Variants in POLG observed in about 807,000 individuals in gnomAD.
The protein encoded by POLG is DNA polymerase gamma, catalytic subunit.
POLG carries 110 observed loss-of-function variants against 155.4 expected under a neutral mutation model. The observed-to-expected ratio is 0.71, with a 90% CI of 0.61 to 0.83. The LOEUF (loss-of-function observed/expected upper bound fraction) is 0.83, where lower values mean the gene tolerates loss of function less well. Ranked by LOEUF, POLG falls within the 40% of genes least tolerant of loss-of-function variation. POLG has a pLI of 0.00. For synonymous variants in POLG, 701 were observed against 631.5 expected, an observed-to-expected ratio of 1.11 and a Z score of -1.65; for missense variants, 1,685 against 1,627.5, an observed-to-expected ratio of 1.04 and a Z score of -0.61.
intron 22 of POLG, 136 bp downstream of exon 22, chr15:89,317,240 A>G: frequency 1.3e-6 from 1 of 763,518 alleles, no homozygotes; most frequent in Non-Finnish European, 2.3e-6. Flanking sequence ...GGCACCTTAT[A>G]AACTGAAATT....
Position 89,322,835 on chromosome 15 carries a change from G to A in POLG, c.2333C>T (p.Thr778Ile). The change falls in exon 14 of 23, where the codon ACC becomes ATC. Residue 778 changes from threonine (T) to isoleucine (I), a missense_variant. Thr to Ile is a moderately conservative substitution (Grantham distance 89). Around this residue, in one of 3 missense-constraint regions of POLG, gnomAD observed 1,210 missense variants for 1,167.1 expected, o/e 1.04. Transcript: ENST00000268124. The stretch of plus-strand genomic sequence containing the variant: ...GGCACCTCCTGGGCCAGCCTGCAGG[G>A]TGCCATCCTCCATCTTGGGCAGGAA... ...KDFLPKMEDG[T>I]LQAGPGGASG... is the part of the protein sequence containing the mutation. The A allele has an allele frequency of 6.2e-7, 1 of 1,614,046 alleles. No individual in the cohort carries two copies. Among genetic ancestry groups the A allele is most frequent in the South Asian group, 1.1e-5 (1 of 91,086 alleles).
In POLG at chr15:89,322,858, G is replaced by C. The variant is rs755315398; in HGVS notation, c.2310C>G (p.Phe770Leu). 6.2e-7 allele frequency: 1 copy of C among 1,613,854 alleles called. No homozygotes were observed. The highest frequency in any genetic ancestry group is 1.1e-5 in the South Asian group (1 of 91,064). The part of the protein sequence containing the change: ...CNVGSPFAKD[F>L]LPKMEDGTLQ... The stretch of plus-strand genomic sequence containing the variant: ...GGGTGCCATCCTCCATCTTGGGCAG[G>C]AAGTCCTTGGCAAAGGGGCTTCCCA... The change falls in exon 14 of 23, where the codon TTC becomes TTG. Residue 770 changes from phenylalanine to leucine, a missense_variant. Phe to Leu is a conservative substitution (Grantham distance 22). Coordinates refer to ENST00000268124, the MANE Select transcript of POLG (RefSeq NM_002693.3).
intron 2 of POLG, among the ~76,000 whole-genome samples, chr15:89,330,974 G>A (rs1219017016): frequency 1.3e-5 from 2 of 152,148 alleles, no homozygotes; most frequent in Admixed American, 1.3e-4. Flanking sequence ...AAAGGCTGCA[G>A]TTTGCTCAAG....
chr15:89,329,252 C>A, intron 3 of POLG, 142 bp from the exon 4 acceptor site: 1 of 704,212 alleles, frequency 1.4e-6, no homozygotes, highest in Non-Finnish European at 2.5e-6. Flanking sequence ...GCCTTCAACA[C>A]CAAATACAGA....
At chr15:89,323,745 C>T (rs1596354530) in intron 12 of POLG, 70 bp downstream of exon 12, 1 of 1,268,306 alleles carries the variant, frequency 7.9e-7, no homozygotes, top group South Asian at 1.2e-5. Context: ...CTGGGAAGAA[C>T]TAGGTGGGCA....
chr15:89,323,747 AG>A, intron 12 of POLG, 67 bp downstream of exon 12: 2 of 1,267,150 alleles, frequency 1.6e-6, no homozygotes, highest in South Asian at 2.4e-5. Context: ...GGGAAGAACT[AG>A]GTGGGCAAGA....
At position 89,333,128 on chromosome 15, in the gene POLG, G is replaced by A; in HGVS notation, c.627C>T (p.Pro209=). 1 of 1,525,166 alleles carries A rather than the reference G, an allele frequency of 6.6e-7. No individual in the cohort carries two copies. The highest frequency in any genetic ancestry group is 8.8e-7 in the Non-Finnish European group (1 of 1,136,430). The allele number at this position is 1,525,166 out of a possible 1,614,324, so 94.5% of individuals were successfully genotyped here. A position where few individuals can be genotyped will look rare whatever the true frequency, so the allele number is the denominator to read the frequency against. ...VEVCLAEGTC[P]TLAVAISPSA... ...AGGGGGATATGGCCACCGCCAATGT[G>A]GGGCAAGTTCCCTCTGCCAAGCAGA... The change falls in exon 2 of 23, where the codon CCC becomes CCT. Residue 209 remains proline, a synonymous_variant. Transcript: ENST00000268124.
Position 89,330,192 on chromosome 15 carries a change from C to T in POLG, c.744G>A (p.Glu248=). ...QLSPADLIPL[E]VPTGASSPTQ... ...TGGGGCTGCTGGCACCAGTAGGGACCTCCAGGGGGATGAGGTCAGCCGGCG... is the reference window on the plus strand; with the variant it reads ...TGGGGCTGCTGGCACCAGTAGGGACTTCCAGGGGGATGAGGTCAGCCGGCG... The change falls in exon 3 of 23, where the codon GAG becomes GAA. Residue 248 remains glutamate (E), a synonymous_variant. Coordinates refer to ENST00000268124, the MANE Select transcript of POLG (RefSeq NM_002693.3). The T allele has an allele frequency of 6.2e-7, 1 of 1,613,804 alleles. No individual in the cohort carries two copies. Among genetic ancestry groups the T allele is most frequent in the Non-Finnish European group, 8.5e-7 (1 of 1,179,962 alleles).
Position 89,326,661 on chromosome 15 carries a change from T to A in POLG, c.1663A>T (p.Thr555Ser), listed in dbSNP as rs145496284. ...GGCCGCTTGGGCAGGAGCTCTGTGG[T>A]CCCCTTCAGCTTCTGCAAGCAGGCG... ...ARACLQKLKG[T>S]TELLPKRPQH... Residue 555 changes from threonine (T) to serine (S), a missense_variant, in exon 9 of 23, where the codon ACC becomes TCC. By Grantham distance (58) the Thr-to-Ser change is moderately conservative. Transcript: ENST00000268124. The A allele has an allele frequency of 1.9e-6, 3 of 1,613,848 alleles. No individual in the cohort carries two copies. The African/African-American group carries it at 4.0e-5, about 22-fold the overall frequency.
Position 89,316,725 on chromosome 15 carries a change from A to C in POLG, c.*26T>G. 6.3e-7 allele frequency: 1 copy of C among 1,584,742 alleles called. No homozygotes were observed. Among genetic ancestry groups the C allele is most frequent in the Non-Finnish European group, 8.7e-7 (1 of 1,153,182 alleles). ...CACCACCCCGATGAAGCTCCACGGG[A>C]GCAAATACAGAGCCTCCAGGCAGTG... On this transcript the variant is annotated 3_prime_UTR_variant, in exon 23 of 23. Transcript: ENST00000268124.
chr15:89,331,058 T>C (rs1046742119), intron 2 of POLG, among the ~76,000 whole-genome samples: 2 of 151,960 alleles, frequency 1.3e-5, no homozygotes, highest in African/African-American at 4.8e-5. Context: ...TTCTAAACAA[T>C]CAAGGCCCAC....
In POLG at chr15:89,328,994, G is replaced by T; in HGVS notation, c.972C>A (p.Pro324=). The T allele has an allele frequency of 3.1e-6, 5 of 1,613,718 alleles. No individual in the cohort carries two copies. The highest frequency in any genetic ancestry group is 4.2e-6 in the Non-Finnish European group (5 of 1,180,042). Residue 324 remains proline, a synonymous_variant, in exon 4 of 23, where the codon CCC becomes CCA. Coordinates refer to ENST00000268124, the MANE Select transcript of POLG (RefSeq NM_002693.3). ...AAKQGKHKVQ[P]PTKQGQKSQR... ...GGGACTTCTGGCCTTGCTTTGTGGGGGGCTGGACCTTGTGTTTGCCCTGCT... is the reference window on the plus strand; with the variant it reads ...GGGACTTCTGGCCTTGCTTTGTGGGTGGCTGGACCTTGTGTTTGCCCTGCT...
Position 89,325,183 on chromosome 15 carries a change from TGAGTGAGTGAGA to T in POLG, c.1949+255_1949+266del, listed in dbSNP as rs1258706674. ...GTGAGTGAGTGAGAGAGTGAGAGAGTGAGTGAGTGAGAGAGTGAGTGAGAGAGTGAGTGAGTG... is the reference window on the plus strand; with the variant it reads ...GTGAGTGAGTGAGAGAGTGAGAGAGTGAGTGAGTGAGAGAGTGAGTGAGTG... On this transcript the variant is annotated intron_variant, in intron 10 of 22. Coordinates refer to ENST00000268124, the MANE Select transcript of POLG (RefSeq NM_002693.3). 1.7e-3 allele frequency among the ~76,000 whole-genome samples: 76 copies of T among 45,772 alleles called. 9 individuals are homozygous for T. The highest frequency in any genetic ancestry group is 2.9e-3 in the South Asian group (4 of 1,364). The allele number at this position is 45,772 out of a possible 152,430, so 30.0% of individuals were successfully genotyped here. A position where few individuals can be genotyped will look rare whatever the true frequency, so the allele number is the denominator to read the frequency against.
intron 2 of POLG, among the ~76,000 whole-genome samples, chr15:89,332,774 T>C (rs1458287946): frequency 1.3e-5 from 2 of 152,164 alleles, no homozygotes; most frequent in East Asian, 3.9e-4. Flanking sequence ...TAACTTCTCA[T>C]GACGCTATTA....
intron 10 of POLG, among the ~76,000 whole-genome samples, chr15:89,324,530 A>T (rs1173493703): frequency 6.6e-6 from 1 of 152,220 alleles, no homozygotes; most frequent in Non-Finnish European, 1.5e-5. Context: ...ACAGGACCCA[A>T]GGCCCAGCTG....
Position 89,328,781 on chromosome 15 carries a change from CT to C in POLG, c.1073del (p.Glu358GlyfsTer7), listed in dbSNP as rs763418954. 12 of 1,614,042 alleles carry C rather than the reference CT, an allele frequency of 7.4e-6. No homozygotes were observed. Among genetic ancestry groups the C allele is most frequent in the Non-Finnish European group, 1.0e-5 (12 of 1,179,952 alleles). Reference sequence around the variant, plus strand: ...GCCCCCCTACATAAAGTCTGTGCACCTCTGCCAGACTGTTGACACTGCTGAT... The same window carrying C: ...GCCCCCCTACATAAAGTCTGTGCACCCTGCCAGACTGTTGACACTGCTGAT... ...LDISSVNSLAEVHRLYVGGPP... is the reference protein window; with the variant it reads ...LDISSVNSLAXVHRLYVGGPP... On this transcript the variant is annotated frameshift_variant, in exon 5 of 23. Coordinates refer to ENST00000268124, the MANE Select transcript of POLG (RefSeq NM_002693.3). LOFTEE classifies it high-confidence loss of function.
intron 12 of POLG, 72 bp from the exon 13 acceptor site, chr15:89,323,583 G>T (rs1596354416): frequency 9.8e-7 from 1 of 1,018,672 alleles, no homozygotes; most frequent in East Asian, 2.4e-5. Context: ...GGGGTAGGGG[G>T]TGGGAAAAGG....
At chr15:89,323,000 G>A (rs2055418403) in intron 13 of POLG, 98 bp from the exon 14 acceptor site, 3 of 1,240,472 alleles carry the variant, frequency 2.4e-6, no homozygotes, top group African/African-American at 3.0e-5. Flanking sequence ...ACTGAGCCCA[G>A]AACCTCAGCA....
Position 89,325,109 on chromosome 15 carries a change from A to T in POLG, c.1949+341T>A, listed in dbSNP as rs868416842. 5.5e-3 allele frequency among the ~76,000 whole-genome samples: 224 copies of T among 40,620 alleles called. 13 individuals carry two copies. The highest frequency in any genetic ancestry group is 0.025 in the African/African-American group (162 of 6,520). The allele number at this position is 40,620 out of a possible 152,430, so 26.6% of individuals were successfully genotyped here. A position where few individuals can be genotyped will look rare whatever the true frequency, so the allele number is the denominator to read the frequency against. On this transcript the variant is annotated intron_variant, in intron 10 of 22. Coordinates refer to ENST00000268124, the MANE Select transcript of POLG (RefSeq NM_002693.3). ...GAGAGTGAGTGAGTGAGAGAGTGAG[A>T]GAGAGTGAGTGAGTGAGTGAGAGAG...
Sources: allele counts gnomAD v4.1 joint callset (sites outside exome capture counted in the v4.1 genomes callset), GRCh38; gene constraint gnomAD v4.1.1; regional missense constraint gnomAD v4.1.1; transcripts MANE v1.5; gene names NCBI Gene and HGNC (gene_info 2026-07-23, HGNC 2026-07-21).